RANBP2: variants seen among roughly 807,000 people sequenced by gnomAD.
The protein encoded by RANBP2 is E3 SUMO-protein ligase RanBP2.
In RANBP2, 57 loss-of-function variants were observed where a neutral mutation model predicts 303.6. That is an observed-to-expected ratio of 0.19 (90% CI 0.15 to 0.23). RANBP2 has a LOEUF of 0.23. Ranked by LOEUF, RANBP2 falls within the 10% of genes least tolerant of loss-of-function variation. RANBP2 has a pLI of 1.00. For missense variants in RANBP2, 3,138 were observed against 3,780.8 expected, an observed-to-expected ratio of 0.83 and a Z score of 4.46; for synonymous variants, 1,167 against 1,301.5, an observed-to-expected ratio of 0.90 and a Z score of 2.23.
At chr2:109,698,621 T>G in the RANBP2 span, among the ~76,000 whole-genome samples, 2 of 152,164 alleles carry the variant, frequency 1.3e-5, no homozygotes, top group Non-Finnish European at 2.9e-5. Context: ...CAATTCTTGA[T>G]GTGTTTGTAT....
chr2:109,039,272 C>T, the RANBP2 span, among the ~76,000 whole-genome samples: 2 of 152,198 alleles, frequency 1.3e-5, no homozygotes, highest in Non-Finnish European at 2.9e-5. Context: ...AGGTGTGAGC[C>T]AATTCTAAAA....
the RANBP2 span, among the ~76,000 whole-genome samples, chr2:108,981,154 C>T: frequency 5.3e-5 from 8 of 152,306 alleles, no homozygotes; most frequent in South Asian, 2.1e-4. Context: ...GACCTTCCCT[C>T]GGGGAACTGA....
chr2:108,871,445 C>T, the RANBP2 span, among the ~76,000 whole-genome samples: 6 of 150,768 alleles, frequency 4.0e-5, no homozygotes, highest in Non-Finnish European at 8.9e-5. Flanking sequence ...CCCAGTTACT[C>T]GGGAGGCAAG....
At chr2:108,839,432 G>T in the RANBP2 span, 1 of 735,616 alleles carries the variant, frequency 1.4e-6, no homozygotes, top group South Asian at 2.6e-5. Context: ...ATGTCTTGCT[G>T]GGATTTTGAT....
the RANBP2 span, chr2:109,593,089 T>C: frequency 6.2e-7 from 1 of 1,600,678 alleles, no homozygotes; most frequent in Non-Finnish European, 8.5e-7. Flanking sequence ...GACATACAAG[T>C]TGTTTTCGTT....
At chr2:109,369,181 TAAAA>T in the RANBP2 span, among the ~76,000 whole-genome samples, 1 of 138,258 alleles carries the variant, frequency 7.2e-6, no homozygotes, top group Non-Finnish European at 1.6e-5. Flanking sequence ...CGTCTCTTCT[TAAAA>T]AAAAAAAAAA....
chr2:109,546,175 T>C, the RANBP2 span: 2 of 1,609,010 alleles, frequency 1.2e-6, no homozygotes, highest in Non-Finnish European at 8.5e-7. Flanking sequence ...GTCTTCTCTT[T>C]TCTTCAAGCT....
At chr2:108,997,029 G>C in the RANBP2 span, among the ~76,000 whole-genome samples, 8 of 152,230 alleles carry the variant, frequency 5.3e-5, no homozygotes, top group Non-Finnish European at 1.0e-4. Flanking sequence ...CAGTGTTTTT[G>C]TGTGTCCAGG....
At chr2:109,477,614 GT>G in the RANBP2 span, among the ~76,000 whole-genome samples, 4 of 21,502 alleles carry the variant, frequency 1.9e-4, no homozygotes, top group South Asian at 1.5e-3. Context: ...CCACAGATGG[GT>G]GTGTGTGTGT....
the RANBP2 span, among the ~76,000 whole-genome samples, chr2:108,823,869 C>T: frequency 4.0e-5 from 6 of 151,630 alleles, no homozygotes; most frequent in Admixed American, 6.6e-5. Context: ...CCCAGCTACT[C>T]GGGATGCTGA....
intron 11 of RANBP2, 39 bp downstream of exon 11, chr2:108,751,742 G>C (rs1347474439): frequency 1.2e-6 from 2 of 1,611,544 alleles, no homozygotes; most frequent in African/African-American, 1.3e-5. Flanking sequence ...CACTTAGTGC[G>C]TAGGTTTTAC....
At chr2:109,094,778 C>T in the RANBP2 span, among the ~76,000 whole-genome samples, 26 of 152,000 alleles carry the variant, frequency 1.7e-4, no homozygotes, top group Admixed American at 4.6e-4. Context: ...TGCGGTGAGC[C>T]GAGATCATGT....
the RANBP2 span, among the ~76,000 whole-genome samples, chr2:109,583,862 T>C: frequency 6.6e-6 from 1 of 152,174 alleles, no homozygotes; most frequent in Non-Finnish European, 1.5e-5. Context: ...TGGAGGCCGT[T>C]ATCCTAAGCA....
the RANBP2 span, among the ~76,000 whole-genome samples, chr2:109,112,557 C>T: frequency 7.3e-4 from 111 of 151,656 alleles, 1 homozygote; most frequent in East Asian, 0.014. Context: ...GAGTAGGTTG[C>T]GAAAATTTTC....
chr2:109,398,968 G>GCAT, the RANBP2 span: 1 of 1,588,582 alleles, frequency 6.3e-7, no homozygotes, highest in Admixed American at 1.7e-5. Context: ...GCCAGGGCAG[G>GCAT]CATCCCTGGG....
At chr2:108,721,602 C>CTGTTT (rs879930236) in intron 1 of RANBP2, among the ~76,000 whole-genome samples, 5 of 152,120 alleles carry the variant, frequency 3.3e-5, no homozygotes, top group South Asian at 2.1e-4. Flanking sequence ...ACCACACCCG[C>CTGTTT]TGTTTTGTTT....
the RANBP2 span, among the ~76,000 whole-genome samples, chr2:109,079,447 G>C: frequency 6.6e-6 from 1 of 152,110 alleles, no homozygotes; most frequent in Non-Finnish European, 1.5e-5. Context: ...TACTGTTCGG[G>C]GAGTTGGTGC....
At chr2:108,768,527 T>C (rs1677274050) in intron 20 of RANBP2, 139 bp downstream of exon 20, 16 of 1,512,780 alleles carry the variant, frequency 1.1e-5, no homozygotes, top group Non-Finnish European at 1.4e-5. Context: ...AGCAATTTTT[T>C]TTCTCCCTTA....
Position 108,764,494 on chromosome 2 carries a change from G to T in RANBP2, c.3955G>T (p.Ala1319Ser), listed in dbSNP as rs374902910. Reference protein sequence around the residue: ...GTNVAMASNQAVRIVKEPTSH... With the variant: ...GTNVAMASNQSVRIVKEPTSH... ...AAATGTAGCCATGGCGTCAAATCAG[G>T]CTGTCAGAATTGTAAAAGAACCCAC... The change falls in exon 20 of 29, where the codon GCT becomes TCT. Residue 1319 changes from alanine to serine, a missense_variant. Ala to Ser is a moderately conservative substitution (Grantham distance 99, BLOSUM62 1). Transcript: ENST00000283195. 3 of 1,613,926 alleles carry T rather than the reference G, an allele frequency of 1.9e-6. No homozygotes were observed. Among genetic ancestry groups the T allele is most frequent in the Non-Finnish European group, 1.7e-6 (2 of 1,179,958 alleles).
Sources: gnomAD v4.1 joint callset for allele counts (sites outside exome capture counted in the v4.1 genomes callset) on GRCh38, gnomAD v4.1.1 for gene constraint, MANE v1.5 for transcripts, NCBI Gene and HGNC (gene_info 2026-07-23, HGNC 2026-07-21) for gene names.